The following UMODL1 variants were observed in gnomAD, a reference collection of about 807,000 sequenced individuals.
UMODL1 encodes uromodulin like 1.
In UMODL1, 128 loss-of-function variants were observed where a neutral mutation model predicts 136.3. The ratio of observed to expected loss-of-function variants is 0.94; its 90% confidence interval spans 0.81 to 1.09. The LOEUF is 1.09. Ranked by LOEUF, UMODL1 falls within the 50% of genes least tolerant of loss-of-function variation. The probability of loss-of-function intolerance (pLI) is 0.00; values close to 1 mark genes in which losing one functional copy is unlikely to be tolerated. For synonymous variants in UMODL1, 721 were observed against 720.0 expected (o/e 1.00, Z -0.02); for missense variants, 1,766 against 1,725.6 (o/e 1.02, Z -0.41).
chr21:42,108,087 G>T (rs1423470603), intron 9 of UMODL1, among the ~76,000 whole-genome samples: 1 of 152,238 alleles, frequency 6.6e-6, no homozygotes, highest in African/African-American at 2.4e-5. Context: ...ACTAAATACA[G>T]CTGTCAGCGC....
intron 17 of UMODL1, among the ~76,000 whole-genome samples, chr21:42,124,435 T>C (rs1302939763): frequency 6.6e-6 from 1 of 151,066 alleles, no homozygotes; most frequent in Admixed American, 6.6e-5. Flanking sequence ...CAAGGGTGAG[T>C]GAGAGAGCTG....
At chr21:42,117,389 C>T (rs1404182059) in intron 14 of UMODL1, among the ~76,000 whole-genome samples, 2 of 152,210 alleles carry the variant, frequency 1.3e-5, no homozygotes, top group Non-Finnish European at 2.9e-5. Flanking sequence ...GCTGCAATGC[C>T]CCTGCCTCAG....
rs755986627 is a variant in UMODL1, at chr21:42,119,367, A to G, written c.2689+43A>G. ...GGAGCCTCTCCCGTGTTCTGGAACC[A>G]GAGGCAGCCAGAGGGCAGCCACCAC... On this transcript the variant is annotated intron_variant, in intron 15 of 22. Transcript: ENST00000408910. 4.5e-6 allele frequency: 7 copies of G among 1,570,670 alleles called. No homozygotes were observed. In the South Asian group the frequency reaches 6.7e-5, roughly 15 times the overall value.
At chr21:42,073,019 T>TGC (rs59174634) in intron 1 of UMODL1, among the ~76,000 whole-genome samples, 5,844 of 117,740 alleles carry the variant, frequency 0.05, 209 homozygotes, top group East Asian at 0.22. Context: ...TGTGTGTGTG[T>TGC]GTGCGCGCGC....
chr21:42,074,879 C>G (rs1035014362), intron 1 of UMODL1, among the ~76,000 whole-genome samples: 2 of 151,846 alleles, frequency 1.3e-5, no homozygotes, highest in Non-Finnish European at 2.9e-5. Flanking sequence ...CACCAGCCAC[C>G]ACAATTTTTT....
chr21:42,120,936 G>A (rs1034662691), intron 15 of UMODL1, 151 bp from the exon 16 acceptor site: 7 of 975,402 alleles, frequency 7.2e-6, no homozygotes, highest in Middle Eastern at 3.4e-4. Flanking sequence ...GAAGCCTCCT[G>A]TACTTTCCAG....
At chr21:42,107,933 G>C (rs770716463) in intron 9 of UMODL1, among the ~76,000 whole-genome samples, 1 of 152,224 alleles carries the variant, frequency 6.6e-6, no homozygotes, top group Admixed American at 6.5e-5. Flanking sequence ...AGTGTGCAGC[G>C]TCCTGCCCTG....
chr21:42,106,272 G>A (rs1440703504), intron 9 of UMODL1, among the ~76,000 whole-genome samples: 1 of 152,250 alleles, frequency 6.6e-6, no homozygotes, highest in Non-Finnish European at 1.5e-5. Context: ...CACCCCCGCT[G>A]AGAGCCCCAC....
chr21:42,076,519 G>A (rs2066293566), intron 2 of UMODL1, among the ~76,000 whole-genome samples: 1 of 152,196 alleles, frequency 6.6e-6, no homozygotes, highest in Non-Finnish European at 1.5e-5. Context: ...ACCCCACTTT[G>A]AGAACCTCTG....
intron 2 of UMODL1, 123 bp from the exon 3 acceptor site, chr21:42,083,961 C>A: frequency 7.9e-7 from 1 of 1,258,104 alleles, no homozygotes; most frequent in Non-Finnish European, 1.1e-6. Context: ...GGGATGGGCC[C>A]CGAACAGGCC....
At chr21:42,125,869 C>T (rs560157633) in intron 17 of UMODL1, among the ~76,000 whole-genome samples, 5 of 152,302 alleles carry the variant, frequency 3.3e-5, no homozygotes, top group African/African-American at 1.2e-4. Context: ...GGAGAGACAG[C>T]GCCTCCCAGG....
rs188053325 is a variant in UMODL1 at position 42,083,633 on chromosome 21, T to G, written c.320-451T>G. 3.3e-5 allele frequency among the ~76,000 whole-genome samples: 5 copies of G among 152,336 alleles called. No individual in the cohort carries two copies. The East Asian group carries it at 9.6e-4, about 29-fold the overall frequency. ...CCCATCTGAATATCTGTAGATCTCC[T>G]TGCACTATTGTTCCCCCACTGGAAT... On this transcript the variant is annotated intron_variant, in intron 2 of 22. Coordinates refer to ENST00000408910, the MANE Select transcript of UMODL1 (RefSeq NM_001004416.3).
intron 8 of UMODL1, 64 bp from the exon 9 acceptor site, chr21:42,103,804 T>C (rs1245349397): frequency 1.3e-6 from 2 of 1,591,966 alleles, no homozygotes; most frequent in Non-Finnish European, 1.7e-6. Context: ...CGGTCACACC[T>C]GGAACCCTGC....
intron 17 of UMODL1, among the ~76,000 whole-genome samples, chr21:42,124,858 A>G (rs984019569): frequency 2.0e-5 from 3 of 152,130 alleles, no homozygotes; most frequent in African/African-American, 4.8e-5. Context: ...AGAGTTCTAC[A>G]TGCATGATGA....
chr21:42,141,044 C>A (rs1384992770), intron 22 of UMODL1, among the ~76,000 whole-genome samples: 5 of 152,226 alleles, frequency 3.3e-5, no homozygotes, highest in African/African-American at 1.2e-4. Flanking sequence ...CCAAGCCCGT[C>A]TTCCCTGTGC....
At position 42,111,611 on chromosome 21, in the gene UMODL1, C is replaced by T; in HGVS notation, c.2005C>T (p.Leu669=). 6.2e-7 allele frequency: 1 copy of T among 1,614,148 alleles called. No individual in the cohort carries two copies. Among genetic ancestry groups the T allele is most frequent in the East Asian group, 2.2e-5 (1 of 44,888 alleles). ...HATRSTRETL[L]NPTWLRNEDS... is the part of the protein sequence containing the mutation. ...CACCCGTTCCACCCGGGAAACACTT[C>T]TGAATCCCACGTGGCTGCGAAATGA... The change falls in exon 12 of 23, where the codon CTG becomes TTG. Residue 669 remains leucine (L), a synonymous_variant. Coordinates refer to ENST00000408910, the MANE Select transcript of UMODL1 (RefSeq NM_001004416.3).
At chr21:42,139,147 C>A (rs933950781) in intron 22 of UMODL1, among the ~76,000 whole-genome samples, 15 of 152,074 alleles carry the variant, frequency 9.9e-5, no homozygotes, top group Admixed American at 5.9e-4. Flanking sequence ...CAGAGGGGAA[C>A]CCTGCCTCAA....
At chr21:42,111,878 T>C (rs958778604) in intron 12 of UMODL1, among the ~76,000 whole-genome samples, 168 bp downstream of exon 12, 2 of 152,154 alleles carry the variant, frequency 1.3e-5, no homozygotes, top group Admixed American at 1.3e-4. Flanking sequence ...AGCTGGTTTC[T>C]AGTTGAGTTA....
chr21:42,079,928 G>A (rs2146429767), intron 2 of UMODL1, among the ~76,000 whole-genome samples: 1 of 152,340 alleles, frequency 6.6e-6, no homozygotes, highest in African/African-American at 2.4e-5. Context: ...AGGGCACTGA[G>A]GACACGGAGT....
Sources: allele counts gnomAD v4.1 joint callset (sites outside exome capture counted in the v4.1 genomes callset), GRCh38; gene constraint gnomAD v4.1.1; transcripts MANE v1.5; gene names NCBI Gene and HGNC (gene_info 2026-07-23, HGNC 2026-07-21).